GRM1: variants seen among roughly 807,000 people sequenced by gnomAD.
The protein encoded by GRM1 is metabotropic glutamate receptor 1.
GRM1 carries 33 observed loss-of-function variants against 90.9 expected under a neutral mutation model. The observed-to-expected ratio is 0.36, with a 90% CI of 0.28 to 0.49. The LOEUF (loss-of-function observed/expected upper bound fraction) is 0.49. GRM1 is among the 20% of genes least tolerant of loss of function. The pLI is 0.99. For missense variants in GRM1, 1,190 were observed against 1,534.3 expected, an observed-to-expected ratio of 0.78 and a Z score of 3.75; for synonymous variants, 700 against 613.2, an observed-to-expected ratio of 1.14 and a Z score of -2.09.
chr6:146,356,853 G>A (rs3819839), intron 4 of GRM1, among the ~76,000 whole-genome samples: 30,155 of 152,096 alleles, frequency 0.2, 3,295 homozygotes, highest in Middle Eastern at 0.27. Context: ...TATGTATATA[G>A]TAATGATTAC....
chr6:146,072,271 A>G (rs1355471019), intron 1 of GRM1, among the ~76,000 whole-genome samples: 1 of 152,090 alleles, frequency 6.6e-6, no homozygotes, highest in Non-Finnish European at 1.5e-5. Flanking sequence ...CTGCTCAGAT[A>G]CTTCCATTAG....
chr6:146,072,166 C>A (rs1325837857), intron 1 of GRM1, among the ~76,000 whole-genome samples: 1 of 152,136 alleles, frequency 6.6e-6, no homozygotes, highest in Non-Finnish European at 1.5e-5. Flanking sequence ...AATCTGCATT[C>A]TTTGTATCTA....
chr6:146,035,816 T>A (rs1200135966), intron 1 of GRM1, among the ~76,000 whole-genome samples: 1 of 151,998 alleles, frequency 6.6e-6, no homozygotes, highest in African/African-American at 2.4e-5. Flanking sequence ...TTTATTAAAC[T>A]CATTTTTAAA....
At chr6:146,049,711 G>A (rs1482406963) in intron 1 of GRM1, among the ~76,000 whole-genome samples, 1 of 150,556 alleles carries the variant, frequency 6.6e-6, no homozygotes, top group African/African-American at 2.4e-5. Context: ...ATCATCTCAT[G>A]TTGGTTCTGT....
chr6:146,277,639 T>C (rs1290358178), intron 2 of GRM1, among the ~76,000 whole-genome samples: 1 of 152,186 alleles, frequency 6.6e-6, no homozygotes, highest in East Asian at 1.9e-4. Flanking sequence ...TTGCTCCTGG[T>C]TTCCCCTGGA....
intron 3 of GRM1, among the ~76,000 whole-genome samples, chr6:146,314,051 CTTTTTTT>C (rs552986343): frequency 2.9e-4 from 18 of 62,000 alleles, no homozygotes; most frequent in South Asian, 1.9e-3. Flanking sequence ...TAGTTAATTC[CTTTTTTT>C]TTTTTTTTTT....
intron 5 of GRM1, among the ~76,000 whole-genome samples, chr6:146,358,857 G>A (rs1019303489): frequency 2.0e-5 from 3 of 152,214 alleles, no homozygotes; most frequent in African/African-American, 7.2e-5. Context: ...AGAAACTTCT[G>A]AGATGAGTCA....
At chr6:146,140,097 C>CTTTCTTTCTTTCTTTG (rs1776800454) in intron 1 of GRM1, among the ~76,000 whole-genome samples, 1 of 85,060 alleles carries the variant, frequency 1.2e-5, no homozygotes, top group African/African-American at 4.6e-5. Context: ...TTTATTCTTT[C>CTTTCTTTCTTTCTTTG]TTTCTTTCTT....
chr6:146,214,598 G>C (rs1439401124), intron 2 of GRM1, among the ~76,000 whole-genome samples: 1 of 152,148 alleles, frequency 6.6e-6, no homozygotes, highest in African/African-American at 2.4e-5. Flanking sequence ...TGTATTGTAG[G>C]TCAGAGAACT....
At chr6:146,294,867 T>C (rs1400291794) in intron 2 of GRM1, among the ~76,000 whole-genome samples, 7 of 152,212 alleles carry the variant, frequency 4.6e-5, no homozygotes, top group African/African-American at 1.4e-4. Context: ...TAGTTAATAT[T>C]TGTTTGGTTA....
intron 7 of GRM1, among the ~76,000 whole-genome samples, chr6:146,428,961 A>T (rs543690097): frequency 6.6e-6 from 1 of 152,280 alleles, no homozygotes; most frequent in Admixed American, 6.5e-5. Flanking sequence ...TTATTTCTGA[A>T]TGTCTTTTTC....
intron 3 of GRM1, among the ~76,000 whole-genome samples, chr6:146,312,079 C>T (rs1355706428): frequency 6.6e-6 from 1 of 152,012 alleles, no homozygotes; most frequent in Non-Finnish European, 1.5e-5. Context: ...CGGTGGCTCA[C>T]GCCTGTAATC....
intron 7 of GRM1, among the ~76,000 whole-genome samples, chr6:146,424,485 T>C (rs1361577953): frequency 5.3e-5 from 8 of 152,250 alleles, no homozygotes; most frequent in Admixed American, 4.6e-4. Flanking sequence ...GTGGGCCATG[T>C]GTAAACTGAG....
chr6:146,399,581 A>G lies in GRM1; in HGVS notation c.2542A>G (p.Ser848Gly). 6.2e-7 allele frequency: 1 copy of G among 1,614,116 alleles called. No homozygotes were observed. The highest frequency in any genetic ancestry group is 8.5e-7 in the Non-Finnish European group (1 of 1,179,958). Reference sequence around the variant, plus strand: ...TGCCAAGCCTGAGAGGAATGTCCGCAGTGCCTTCACCACCTCTGATGTTGT... The same window carrying G: ...TGCCAAGCCTGAGAGGAATGTCCGCGGTGCCTTCACCACCTCTGATGTTGT... ...IIAKPERNVR[S>G]AFTTSDVVRM... The change falls in exon 7 of 8, where the codon AGT (serine) becomes GGT (glycine). Residue 848 changes from serine (S) to glycine (G), a missense_variant. Physicochemically the swap from Ser to Gly is moderately conservative, Grantham distance 56. This residue lies in a region of GRM1 where 73 missense variants were observed against 150.6 expected (regional missense o/e 0.48). Coordinates refer to ENST00000282753, the MANE Select transcript of GRM1 (RefSeq NM_001278064.2). The surrounding 1 kb of genome is among the most constrained non-coding windows in gnomAD (Gnocchi z 5.4).
At chr6:146,146,549 G>A (rs576541714) in intron 1 of GRM1, among the ~76,000 whole-genome samples, 1 of 152,210 alleles carries the variant, frequency 6.6e-6, no homozygotes, top group South Asian at 2.1e-4. Context: ...TGGGGACCGT[G>A]GTGGAATGTT....
chr6:146,328,829 G>A (rs567783779), intron 3 of GRM1, among the ~76,000 whole-genome samples: 1 of 152,124 alleles, frequency 6.6e-6, no homozygotes, highest in Non-Finnish European at 1.5e-5. Flanking sequence ...AGGTGCAGTT[G>A]GGAATTTGTC....
intron 2 of GRM1, among the ~76,000 whole-genome samples, chr6:146,242,080 G>T (rs770371876): frequency 2.0e-5 from 3 of 152,110 alleles, no homozygotes; most frequent in Non-Finnish European, 4.4e-5. Context: ...ATGTGTAAAG[G>T]CTCAGAGTCA....
chr6:146,371,350 G>A (rs1775894255), intron 5 of GRM1, among the ~76,000 whole-genome samples: 2 of 152,002 alleles, frequency 1.3e-5, no homozygotes, highest in African/African-American at 2.4e-5. Context: ...TGGGTACATA[G>A]TAGGTATATA....
chr6:146,064,444 G>A (rs1020036135), intron 1 of GRM1, among the ~76,000 whole-genome samples: 5 of 152,010 alleles, frequency 3.3e-5, no homozygotes, highest in African/African-American at 1.2e-4. Context: ...CTGCAATTCT[G>A]TACCAATGTT....
Sources: gnomAD v4.1 joint callset for allele counts (sites outside exome capture counted in the v4.1 genomes callset) on GRCh38, gnomAD v4.1.1 for gene constraint, gnomAD v4.1.1 regional missense constraint, Gnocchi (gnomAD v3.1) non-coding constraint, MANE v1.5 for transcripts, NCBI Gene and HGNC (gene_info 2026-07-23, HGNC 2026-07-21) for gene names.